MEI4: variants seen among roughly 807,000 people sequenced by gnomAD.
MEI4 encodes the protein meiosis-specific protein MEI4.
Under a neutral mutation model 31.4 loss-of-function variants are expected in MEI4, and 27 were observed. The observed-to-expected ratio is 0.86, with a 90% confidence interval of 0.63 to 1.19. The LOEUF is 1.19. MEI4 is among the 50% of genes most tolerant of loss of function. MEI4 has a pLI of 0.00. For synonymous variants in MEI4, 122 were observed against 145.4 expected (o/e 0.84, Z 1.16); for missense variants, 329 against 398.9 (o/e 0.82, Z 1.49).
chr6:77,869,090 C>G (rs1267301864), intron 4 of MEI4, among the ~76,000 whole-genome samples: 1 of 152,092 alleles, frequency 6.6e-6, no homozygotes, highest in Admixed American at 6.6e-5. Context: ...GTGCCAGAGA[C>G]TGATTTAGGT....
chr6:77,799,086 T>G (rs1769169962), intron 3 of MEI4, among the ~76,000 whole-genome samples: 1 of 152,170 alleles, frequency 6.6e-6, no homozygotes, highest in African/African-American at 2.4e-5. Flanking sequence ...CCACAATGGT[T>G]GAACTAGTTT....
chr6:77,842,686 C>T (rs369310903), intron 4 of MEI4, among the ~76,000 whole-genome samples: 6 of 151,946 alleles, frequency 3.9e-5, no homozygotes, highest in African/African-American at 9.7e-5. Context: ...TCTTTTCCCA[C>T]AGTACAAGCA....
At chr6:77,800,179 G>T (rs1769208048) in intron 3 of MEI4, among the ~76,000 whole-genome samples, 2 of 152,158 alleles carry the variant, frequency 1.3e-5, no homozygotes, top group East Asian at 1.9e-4. Flanking sequence ...ATTGAGCAGT[G>T]GTTTATAGTT....
At chr6:77,662,414 G>A (rs1374358343) in intron 1 of MEI4, among the ~76,000 whole-genome samples, 1 of 152,126 alleles carries the variant, frequency 6.6e-6, no homozygotes, top group Non-Finnish European at 1.5e-5. Flanking sequence ...TGTGGTATCC[G>A]GAATAATGTG....
At chr6:77,663,494 G>T (rs2127643020) in intron 1 of MEI4, among the ~76,000 whole-genome samples, 1 of 152,230 alleles carries the variant, frequency 6.6e-6, no homozygotes, top group South Asian at 2.1e-4. Flanking sequence ...GAATAGTCAG[G>T]GAAGCAGATA....
intron 2 of MEI4, among the ~76,000 whole-genome samples, chr6:77,746,082 T>C (rs1305733120): frequency 3.3e-5 from 5 of 152,026 alleles, no homozygotes; most frequent in African/African-American, 1.2e-4. Flanking sequence ...AGAGCAAACG[T>C]ATTCAAAAGC....
intron 4 of MEI4, among the ~76,000 whole-genome samples, chr6:77,910,692 G>A (rs952244119): frequency 1.3e-5 from 2 of 152,026 alleles, no homozygotes; most frequent in Non-Finnish European, 2.9e-5. Context: ...TTCACGAATT[G>A]GGTATTGGCT....
chr6:77,692,701 G>T (rs570402010), intron 2 of MEI4, among the ~76,000 whole-genome samples: 1 of 152,092 alleles, frequency 6.6e-6, no homozygotes, highest in Admixed American at 6.5e-5. Context: ...CCTAAATAAG[G>T]TTTCCCTCCT....
At chr6:77,748,800 T>G (rs1466499582) in intron 2 of MEI4, among the ~76,000 whole-genome samples, 1 of 152,226 alleles carries the variant, frequency 6.6e-6, no homozygotes, top group African/African-American at 2.4e-5. Context: ...TTTCTTCATA[T>G]AGATTTTCTA....
At chr6:77,708,708 A>G (rs1049116682) in intron 2 of MEI4, among the ~76,000 whole-genome samples, 2 of 152,106 alleles carry the variant, frequency 1.3e-5, no homozygotes, top group Non-Finnish European at 2.9e-5. Flanking sequence ...TCAGTAAAGA[A>G]TGAGTGGTTG....
intron 4 of MEI4, among the ~76,000 whole-genome samples, chr6:77,913,748 G>A (rs1402292415): frequency 1.4e-5 from 2 of 139,910 alleles, no homozygotes; most frequent in African/African-American, 5.3e-5. Flanking sequence ...AAAAACTTTT[G>A]TTGAGCCCGG....
At chr6:77,730,727 C>T (rs999407495) in intron 2 of MEI4, among the ~76,000 whole-genome samples, 2 of 151,828 alleles carry the variant, frequency 1.3e-5, no homozygotes, top group Non-Finnish European at 1.5e-5. Context: ...GCTGCACCCA[C>T]TAACTCGTCA....
At position 77,754,652 on chromosome 6, in the gene MEI4, C is replaced by G. The variant is rs1275056697; in HGVS notation, c.233-6478C>G. Among the ~76,000 whole-genome samples the G allele has an allele frequency of 2.0e-5, 3 of 152,166 alleles. No individual in the cohort carries two copies. In the East Asian group the frequency reaches 5.8e-4, roughly 29 times the overall value. ...CTTGTATTAGTTCATTTTCACTCTGCTATAAAGAACTTCCCCAAACTGGGT... is the reference window on the plus strand; with the variant it reads ...CTTGTATTAGTTCATTTTCACTCTGGTATAAAGAACTTCCCCAAACTGGGT... On this transcript the variant is annotated intron_variant, in intron 2 of 4. Coordinates refer to ENST00000684080, the MANE Select transcript of MEI4 (RefSeq NM_001322247.2).
At chr6:77,742,727 T>G (rs1269688151) in intron 2 of MEI4, among the ~76,000 whole-genome samples, 1 of 152,142 alleles carries the variant, frequency 6.6e-6, no homozygotes, top group Admixed American at 6.5e-5. Context: ...ATGCCTAGGT[T>G]TTCTTCTAGG....
intron 4 of MEI4, among the ~76,000 whole-genome samples, chr6:77,917,303 G>A (rs1368000990): frequency 2.0e-5 from 3 of 149,882 alleles, no homozygotes; most frequent in Admixed American, 6.7e-5. Flanking sequence ...GGATGGCTGG[G>A]TCAAATGGTA....
intron 4 of MEI4, among the ~76,000 whole-genome samples, chr6:77,832,592 C>T (rs7762882): frequency 0.22 from 34,145 of 151,836 alleles, 4,762 homozygotes; most frequent in African/African-American, 0.4. Context: ...TATGTTATGT[C>T]ATTTAATTCT....
At chr6:77,826,499 C>G (rs1358504713) in intron 3 of MEI4, among the ~76,000 whole-genome samples, 1 of 152,154 alleles carries the variant, frequency 6.6e-6, no homozygotes, top group Non-Finnish European at 1.5e-5. Flanking sequence ...ATATACTACT[C>G]TGGCCCCTTC....
At chr6:77,892,082 C>A (rs1398929668) in intron 4 of MEI4, among the ~76,000 whole-genome samples, 1 of 152,142 alleles carries the variant, frequency 6.6e-6, no homozygotes, top group African/African-American at 2.4e-5. Flanking sequence ...TCTTGGACTT[C>A]CAGGCATATT....
chr6:77,713,947 C>G (rs1201287600), intron 2 of MEI4, among the ~76,000 whole-genome samples: 2 of 152,034 alleles, frequency 1.3e-5, no homozygotes, highest in African/African-American at 4.8e-5. Flanking sequence ...TAAGTGTTCC[C>G]ATCATTTAGC....
Sources: gnomAD v4.1 joint callset for allele counts (sites outside exome capture counted in the v4.1 genomes callset) on GRCh38, gnomAD v4.1.1 for gene constraint, MANE v1.5 for transcripts, NCBI Gene and HGNC (gene_info 2026-07-23, HGNC 2026-07-21) for gene names.